Variants in POLA1 observed in about 807,000 individuals in gnomAD.
POLA1 encodes DNA polymerase alpha 1, catalytic subunit, also known as DNA polymerase alpha catalytic subunit.
Under a neutral mutation model 124.0 loss-of-function variants are expected in POLA1, and 15 were observed. That is an observed-to-expected ratio of 0.12 (90% CI 0.08 to 0.19). The LOEUF (loss-of-function observed/expected upper bound fraction) is 0.19. Ranked by LOEUF, POLA1 falls within the 10% of genes least tolerant of loss-of-function variation. The pLI is 1.00. For missense variants in POLA1, 886 were observed against 1,103.4 expected (o/e 0.80, Z 2.79); for synonymous variants, 408 against 389.4 (o/e 1.05, Z -0.56).
At chrX:24,837,465 T>C (rs1396679432) in intron 32 of POLA1, among the ~76,000 whole-genome samples, 3 of 112,401 alleles carry the variant, frequency 2.7e-5, no homozygotes, top group Non-Finnish European at 5.6e-5. Flanking sequence ...AGCTGAGTAG[T>C]ATTATGGTAG....
intron 34 of POLA1, among the ~76,000 whole-genome samples, chrX:24,875,325 T>G (rs2046916771): frequency 8.9e-6 from 1 of 111,828 alleles, no homozygotes; most frequent in Non-Finnish European, 1.9e-5. Flanking sequence ...ATCAATTCTA[T>G]CTGATCAAAA....
At chrX:24,984,654 CTTT>C (rs72426448) in intron 36 of POLA1, among the ~76,000 whole-genome samples, 2 of 78,714 alleles carry the variant, frequency 2.5e-5, no homozygotes, top group African/African-American at 5.1e-5. Flanking sequence ...ACCTTTTGCA[CTTT>C]TTTTTTTTTT....
At position 24,714,625 on chromosome X, in the gene POLA1, A is replaced by G. The variant is rs1181443300; in HGVS notation, c.418A>G (p.Ile140Val). 4.2e-6 allele frequency: 5 copies of G among 1,196,676 alleles called. No homozygotes were observed. Among genetic ancestry groups the G allele is most frequent in the Non-Finnish European group, 4.5e-6 (4 of 883,667 alleles). ...GCTCGCAGTGACAAAACCGAACAAC[A>G]TTAAGTCAATGTTCATTGCTTGTGC... ...KKLAVTKPNN[I>V]KSMFIACAGK... The change falls in exon 5 of 37, where the codon ATT becomes GTT. Residue 140 changes from isoleucine to valine, a missense_variant. Ile to Val is a conservative substitution (Grantham distance 29). Around this residue, in one of 7 missense-constraint regions of POLA1, gnomAD observed 337 missense variants for 402.8 expected, o/e 0.84. Coordinates refer to ENST00000379068, the MANE Select transcript of POLA1 (RefSeq NM_001330360.2).
At chrX:24,827,710 A>C (rs1186756512) in intron 32 of POLA1, among the ~76,000 whole-genome samples, 1 of 111,743 alleles carries the variant, frequency 8.9e-6, no homozygotes, top group Non-Finnish European at 1.9e-5. Context: ...TAGCTCCTTG[A>C]GTCATGGAAT....
chrX:24,811,394 A>T (rs762842406), intron 28 of POLA1, among the ~76,000 whole-genome samples: 10 of 110,489 alleles, frequency 9.1e-5, no homozygotes, highest in Non-Finnish European at 1.1e-4. Context: ...GCTTCAAGCA[A>T]TTCTACTGCC....
intron 31 of POLA1, among the ~76,000 whole-genome samples, chrX:24,824,295 A>T (rs1324379024): frequency 3.7e-5 from 4 of 108,414 alleles, no homozygotes; most frequent in African/African-American, 6.7e-5. Flanking sequence ...GGTTATTATT[A>T]TTTTTTTTTA....
At chrX:24,948,186 A>G (rs1044131587) in intron 36 of POLA1, among the ~76,000 whole-genome samples, 3 of 111,861 alleles carry the variant, frequency 2.7e-5, no homozygotes, top group Non-Finnish European at 3.8e-5. Context: ...AGATGTTTCA[A>G]TTCTTCCGAC....
chrX:24,768,229 A>T (rs1932954568), intron 26 of POLA1, among the ~76,000 whole-genome samples: 1 of 112,375 alleles, frequency 8.9e-6, no homozygotes, highest in Non-Finnish European at 1.9e-5. Flanking sequence ...TTTTCCTTTT[A>T]TATTTCCTCA....
chrX:24,772,710 A>G (rs755836254), intron 26 of POLA1, among the ~76,000 whole-genome samples: 3 of 111,876 alleles, frequency 2.7e-5, no homozygotes, highest in South Asian at 3.8e-4. Context: ...TGTTCCTGCA[A>G]TGGACATGAT....
chrX:24,950,024 G>A lies in POLA1; in HGVS notation c.4261+19475G>A, dbSNP rs1247633962. Among the ~76,000 whole-genome samples, 7 of 111,714 alleles carry A rather than the reference G, an allele frequency of 6.3e-5. No homozygotes were observed. In the East Asian group the frequency reaches 1.4e-3, roughly 22 times the overall value. ...TGGGATTACAGGTGTGAGCCACCAC[G>A]CCCAGCTACTGTATACTTTTCAAAG... is the stretch of plus-strand genomic sequence containing the variant. On this transcript the variant is annotated intron_variant, in intron 36 of 36. Coordinates refer to ENST00000379068, the MANE Select transcript of POLA1 (RefSeq NM_001330360.2).
chrX:24,800,557 TC>T (rs1272138361), intron 26 of POLA1, among the ~76,000 whole-genome samples: 1 of 112,012 alleles, frequency 8.9e-6, no homozygotes, highest in Admixed American at 9.5e-5. Flanking sequence ...CTGTCCACTG[TC>T]CTGTGTCAGA....
intron 34 of POLA1, among the ~76,000 whole-genome samples, chrX:24,863,851 A>C (rs1389916592): frequency 1.8e-5 from 2 of 111,149 alleles, no homozygotes; most frequent in African/African-American, 6.5e-5. Context: ...TTCTTACTAC[A>C]TACCTATGTT....
chrX:24,826,882 G>T (rs944767765), intron 32 of POLA1, among the ~76,000 whole-genome samples: 3 of 111,661 alleles, frequency 2.7e-5, no homozygotes, highest in Non-Finnish European at 5.6e-5. Context: ...GAAGATTTCA[G>T]GTGCCGTTAC....
intron 34 of POLA1, among the ~76,000 whole-genome samples, chrX:24,864,940 G>A (rs759086514): frequency 1.8e-5 from 2 of 111,903 alleles, no homozygotes; most frequent in South Asian, 3.7e-4. Context: ...ACGTATGTAC[G>A]TTTTTAAATG....
chrX:24,973,785 G>A (rs1019026731), intron 36 of POLA1, among the ~76,000 whole-genome samples: 3 of 111,529 alleles, frequency 2.7e-5, no homozygotes, highest in African/African-American at 3.3e-5. Flanking sequence ...TGGTTGCTGC[G>A]GACAACCAAA....
chrX:24,955,155 G>T (rs777585525), intron 36 of POLA1, among the ~76,000 whole-genome samples: 125 of 100,134 alleles, frequency 1.2e-3, no homozygotes, highest in Middle Eastern at 0.01. Flanking sequence ...TTTGTTTTTG[G>T]TTTTTTTTTT....
In POLA1 at chrX:24,879,730, T is replaced by C. The variant is rs1204078442; in HGVS notation, c.4048-8276T>C. ...GTATTTTACAGAATAGACTTGAATATACTAAGAGAGGTTTTTTAGTTGCCC... is the reference window on the plus strand; with the variant it reads ...GTATTTTACAGAATAGACTTGAATACACTAAGAGAGGTTTTTTAGTTGCCC... On this transcript the variant is annotated intron_variant, in intron 34 of 36. Transcript: ENST00000379068. Among the ~76,000 whole-genome samples, 15 of 112,094 alleles carry C rather than the reference T, an allele frequency of 1.3e-4. No individual in the cohort carries two copies. In the Admixed American group the frequency reaches 1.4e-3, roughly 11 times the overall value.
At chrX:24,744,045 A>G (rs752070416) in intron 23 of POLA1, among the ~76,000 whole-genome samples, 12 of 110,710 alleles carry the variant, frequency 1.1e-4, no homozygotes, top group Admixed American at 1.1e-3. Flanking sequence ...GGTGTGTGCC[A>G]GCATACCCAG....
At chrX:24,766,639 A>G (rs1220956595) in intron 26 of POLA1, among the ~76,000 whole-genome samples, 1 of 111,416 alleles carries the variant, frequency 9.0e-6, no homozygotes, top group Non-Finnish European at 1.9e-5. Context: ...AAATTTGGAG[A>G]TGATGGTTGG....
Sources: gnomAD v4.1 joint callset for allele counts (sites outside exome capture counted in the v4.1 genomes callset) on GRCh38, gnomAD v4.1.1 for gene constraint, gnomAD v4.1.1 regional missense constraint, MANE v1.5 for transcripts, NCBI Gene and HGNC (gene_info 2026-07-23, HGNC 2026-07-21) for gene names.